The following KDM2A variants were observed in gnomAD, a reference collection of about 807,000 sequenced individuals.
KDM2A encodes the protein lysine-specific demethylase 2A.
A neutral mutation model predicts 137.3 loss-of-function variants in KDM2A; 3 were observed. That is an observed-to-expected ratio of 0.02 (90% CI 0.01 to 0.06). The LOEUF is 0.06. Among genes scored for constraint, KDM2A ranks in the 10% least tolerant of loss-of-function variants. The pLI, the probability that KDM2A is intolerant of heterozygous loss-of-function variation, is 1.00. For synonymous variants in KDM2A, 512 were observed against 541.5 expected (o/e 0.95, Z 0.76); for missense variants, 738 against 1,510.6 (o/e 0.49, Z 8.48).
chr11:67,171,232 G>C (rs1377183836), intron 2 of KDM2A, among the ~76,000 whole-genome samples: 1 of 152,148 alleles, frequency 6.6e-6, no homozygotes, highest in South Asian at 2.1e-4. Context: ...AAAGCCCTAA[G>C]AGAGCTACTT....
At chr11:67,124,499 A>G (rs1955198334) in intron 2 of KDM2A, among the ~76,000 whole-genome samples, 1 of 149,002 alleles carries the variant, frequency 6.7e-6, no homozygotes, top group Admixed American at 6.7e-5. Flanking sequence ...TTTTTAGTTG[A>G]GACGGGGTTT....
intron 2 of KDM2A, among the ~76,000 whole-genome samples, chr11:67,153,988 C>G (rs1018633490): frequency 3.3e-5 from 5 of 152,108 alleles, no homozygotes; most frequent in Non-Finnish European, 7.3e-5. Context: ...AGCTGCCTCT[C>G]CTAAGAATAA....
At chr11:67,243,293 G>A (rs924954837) in intron 13 of KDM2A, among the ~76,000 whole-genome samples, 1 of 152,152 alleles carries the variant, frequency 6.6e-6, no homozygotes, top group Non-Finnish European at 1.5e-5. Flanking sequence ...TCTCTTAACA[G>A]AACTATCAAA....
chr11:67,171,427 G>A (rs967425341), intron 2 of KDM2A, among the ~76,000 whole-genome samples: 11 of 152,188 alleles, frequency 7.2e-5, no homozygotes, highest in Non-Finnish European at 1.5e-4. Flanking sequence ...GAGTGTAGAA[G>A]ACTTTATTTT....
intron 2 of KDM2A, among the ~76,000 whole-genome samples, chr11:67,153,504 T>G (rs1391712836): frequency 6.6e-6 from 1 of 152,164 alleles, no homozygotes; most frequent in Non-Finnish European, 1.5e-5. Flanking sequence ...CCCCAAACCC[T>G]TTTTATTTTG....
At chr11:67,240,710 G>A (rs141420937) in intron 12 of KDM2A, among the ~76,000 whole-genome samples, 126 of 152,206 alleles carry the variant, frequency 8.3e-4, no homozygotes, top group African/African-American at 3.0e-3. Flanking sequence ...CTCCACCCCC[G>A]CTCTCCTATC....
intron 2 of KDM2A, among the ~76,000 whole-genome samples, chr11:67,156,445 G>A (rs1315395396): frequency 2.6e-5 from 4 of 151,854 alleles, no homozygotes; most frequent in South Asian, 2.1e-4. Context: ...TAGGCCAGGC[G>A]CGGTGGCTCT....
At chr11:67,139,043 G>T (rs1856035229) in intron 2 of KDM2A, among the ~76,000 whole-genome samples, 1 of 152,068 alleles carries the variant, frequency 6.6e-6, no homozygotes, top group South Asian at 2.1e-4. Flanking sequence ...CAGTATCCTT[G>T]AATCACAGGC....
At chr11:67,133,894 A>T (rs1194417418) in intron 2 of KDM2A, among the ~76,000 whole-genome samples, 1 of 149,992 alleles carries the variant, frequency 6.7e-6, no homozygotes, top group East Asian at 2.0e-4. Flanking sequence ...GGGTTTCACC[A>T]TGTTGGTCAG....
chr11:67,146,490 G>C (rs1217977780), intron 2 of KDM2A, among the ~76,000 whole-genome samples: 1 of 151,980 alleles, frequency 6.6e-6, no homozygotes, highest in African/African-American at 2.4e-5. Context: ...TACTGTGACA[G>C]ATTCTCTCTC....
intron 10 of KDM2A, among the ~76,000 whole-genome samples, chr11:67,221,088 C>T (rs1858331516): frequency 6.6e-6 from 1 of 151,676 alleles, no homozygotes; most frequent in South Asian, 2.1e-4. Context: ...CAGGCCAAAT[C>T]CACTAAGTGT....
At chr11:67,248,401 A>G (rs747158577) in intron 16 of KDM2A, 31 bp downstream of exon 16, 1 of 1,498,614 alleles carries the variant, frequency 6.7e-7, no homozygotes, top group Middle Eastern at 1.7e-4. Context: ...TTGCACTGTG[A>G]CAGAAAGGAG....
Position 67,254,175 on chromosome 11 carries a change from G to A in KDM2A, c.3092-28G>A, listed in dbSNP as rs1487375946. The A allele has an allele frequency of 3.8e-6, 6 of 1,592,880 alleles. No homozygotes were observed. The highest frequency in any genetic ancestry group is 5.1e-6 in the Non-Finnish European group (6 of 1,165,092). ...GCTGGATTAGAGAATTGAGAGTTTT[G>A]ATCTAGGCTCTTCTCTTGCCTGTAC... is the stretch of plus-strand genomic sequence containing the variant. On this transcript the variant is annotated intron_variant, in intron 19 of 20. Transcript: ENST00000529006. The surrounding 1 kb of genome is among the most constrained non-coding windows in gnomAD (Gnocchi z 4.7).
chr11:67,129,184 A>C (rs1855795107), intron 2 of KDM2A, among the ~76,000 whole-genome samples: 1 of 152,256 alleles, frequency 6.6e-6, no homozygotes, highest in African/African-American at 2.4e-5. Flanking sequence ...ACAGAGACCT[A>C]AACTATAACA....
chr11:67,236,954 G>A (rs12791976), intron 12 of KDM2A, among the ~76,000 whole-genome samples: 1,935 of 152,256 alleles, frequency 0.013, 17 homozygotes, highest in Non-Finnish European at 0.021. Context: ...CTAAGAAATA[G>A]GAAATAAGTG....
intron 5 of KDM2A, among the ~76,000 whole-genome samples, chr11:67,194,665 G>A (rs909809852): frequency 6.6e-6 from 1 of 152,144 alleles, no homozygotes; most frequent in Non-Finnish European, 1.5e-5. Flanking sequence ...CTGCTTACCT[G>A]CCTCTAATAA....
chr11:67,144,736 G>T (rs1040615318), intron 2 of KDM2A, among the ~76,000 whole-genome samples: 1 of 149,364 alleles, frequency 6.7e-6, no homozygotes, highest in Admixed American at 6.7e-5. Context: ...GCTAATATTT[G>T]GTATTTTTTT....
chr11:67,157,317 C>CA (rs1228008293), intron 2 of KDM2A, among the ~76,000 whole-genome samples: 4,487 of 41,690 alleles, frequency 0.11, 282 homozygotes, highest in African/African-American at 0.16. Flanking sequence ...ACTCCCGTCT[C>CA]AAAAAAAAAA....
chr11:67,153,434 G>A (rs539854290), intron 2 of KDM2A, among the ~76,000 whole-genome samples: 1 of 152,230 alleles, frequency 6.6e-6, no homozygotes, highest in Admixed American at 6.5e-5. Context: ...GGTTTAATGT[G>A]TCATCAAACT....
Sources: gnomAD v4.1 joint callset for allele counts (sites outside exome capture counted in the v4.1 genomes callset) on GRCh38, gnomAD v4.1.1 for gene constraint, Gnocchi (gnomAD v3.1) non-coding constraint, MANE v1.5 for transcripts, NCBI Gene and HGNC (gene_info 2026-07-23, HGNC 2026-07-21) for gene names.